TMC1: variants seen among roughly 807,000 people sequenced by gnomAD.
TMC1 encodes transmembrane channel-like protein 1.
TMC1 carries 84 observed loss-of-function variants against 105.8 expected under a neutral mutation model. The observed-to-expected ratio is 0.79, with a 90% confidence interval of 0.67 to 0.95. TMC1 has a LOEUF of 0.95. Ranked by LOEUF, TMC1 falls within the 40% of genes least tolerant of loss-of-function variation. TMC1 has a pLI of 0.00. For synonymous variants in TMC1, 315 were observed against 311.5 expected (o/e 1.01, Z -0.12); for missense variants, 817 against 914.1 (o/e 0.89, Z 1.37).
intron 8 of TMC1, among the ~76,000 whole-genome samples, chr9:72,731,160 G>A (rs1404324146): frequency 6.6e-6 from 1 of 152,134 alleles, no homozygotes. Flanking sequence ...TCTCACTGAT[G>A]TCCATTCATT....
chr9:72,596,089 C>T (rs1173426862), intron 2 of TMC1, among the ~76,000 whole-genome samples: 2 of 151,996 alleles, frequency 1.3e-5, no homozygotes, highest in African/African-American at 4.8e-5. Flanking sequence ...ATTGACCAGG[C>T]TGGTCTTGAA....
rs772644384 is a variant in TMC1 at position 72,820,942 on chromosome 9, C to G, written c.1864C>G (p.Pro622Ala). 1 of 1,614,176 alleles carries G rather than the reference C, an allele frequency of 6.2e-7. No individual in the cohort carries two copies. Among genetic ancestry groups the G allele is most frequent in the Non-Finnish European group, 8.5e-7 (1 of 1,180,042 alleles). ...QCWAVMCCNV[P>A]EARVFKASRS... ...CTGGGCCGTTATGTGCTGCAATGTT[C>G]CTGAGGCCAGGGTCTTCAAAGCTTC... The change falls in exon 20 of 24, where the codon CCT (proline) becomes GCT (alanine). Residue 622 changes from proline to alanine, a missense_variant. Transcript: ENST00000297784.
chr9:72,734,115 C>T (rs1827259378), intron 8 of TMC1, among the ~76,000 whole-genome samples: 1 of 152,140 alleles, frequency 6.6e-6, no homozygotes. Context: ...GGCTGGACAG[C>T]ACAGGATGGC....
At chr9:72,574,795 A>G (rs1824347336) in intron 1 of TMC1, among the ~76,000 whole-genome samples, 1 of 152,206 alleles carries the variant, frequency 6.6e-6, no homozygotes, top group African/African-American at 2.4e-5. Context: ...CTCTGACCAT[A>G]CATTCCTACT....
At chr9:72,522,259 G>A (rs1202641378) in intron 1 of TMC1, among the ~76,000 whole-genome samples, 1 of 150,888 alleles carries the variant, frequency 6.6e-6, no homozygotes, top group African/African-American at 2.5e-5. Context: ...CCGCCATCAC[G>A]CCCGGCTAAT....
At chr9:72,570,479 C>G (rs928249019) in intron 1 of TMC1, among the ~76,000 whole-genome samples, 16 of 151,838 alleles carry the variant, frequency 1.1e-4, no homozygotes, top group African/African-American at 3.4e-4. Context: ...AATTACAAAT[C>G]TTTTGAAGTA....
At chr9:72,609,597 G>A (rs1265334613) in intron 2 of TMC1, among the ~76,000 whole-genome samples, 1 of 152,054 alleles carries the variant, frequency 6.6e-6, no homozygotes, top group Non-Finnish European at 1.5e-5. Context: ...TTGAAAGACA[G>A]AGGAAAGGAA....
rs544358446 is a variant in TMC1, at chr9:72,753,079, C to G, written c.642+1123C>G. Among the ~76,000 whole-genome samples the G allele has an allele frequency of 1.1e-4, 17 of 152,072 alleles. No individual in the cohort carries two copies. The South Asian group carries it at 3.5e-3, about 32-fold the overall frequency. On this transcript the variant is annotated intron_variant, in intron 11 of 23. Coordinates refer to ENST00000297784, the MANE Select transcript of TMC1 (RefSeq NM_138691.3). ...TATTAAGCTGATCTAGGACTAGAACCCATGATTCAATCCCTTTCTCTAAGA... is the reference window on the plus strand; with the variant it reads ...TATTAAGCTGATCTAGGACTAGAACGCATGATTCAATCCCTTTCTCTAAGA...
intron 5 of TMC1, among the ~76,000 whole-genome samples, chr9:72,649,346 G>A (rs1825764557): frequency 6.6e-6 from 1 of 152,104 alleles, no homozygotes; most frequent in South Asian, 2.1e-4. Flanking sequence ...AGACAAACTG[G>A]CAGAATTTTC....
rs1335969568 is a variant in TMC1, at chr9:72,728,852, AG to A, written c.363-11265del. ...AGAGTTAGGAAAAGTTTTAATCAGC[AG>A]GTAGAAAAAGGATCTAGTGTGCTTT... On this transcript the variant is annotated intron_variant, in intron 8 of 23. Coordinates refer to ENST00000297784, the MANE Select transcript of TMC1 (RefSeq NM_138691.3). Among the ~76,000 whole-genome samples the A allele has an allele frequency of 3.3e-5, 5 of 152,178 alleles. No individual in the cohort carries two copies. The East Asian group carries it at 9.6e-4, about 29-fold the overall frequency.
chr9:72,566,091 A>G lies in TMC1; in HGVS notation c.-427-11811A>G, dbSNP rs572751061. Among the ~76,000 whole-genome samples the G allele has an allele frequency of 5.9e-5, 9 of 152,338 alleles. No homozygotes were observed. The East Asian group carries it at 1.5e-3, about 26-fold the overall frequency. On this transcript the variant is annotated intron_variant, in intron 1 of 23. Transcript: ENST00000297784. ...GCCTCCTAGGCTGGAATACAATGGC[A>G]TGACCATAGCTCATTGCAGCCTCTA... is the stretch of plus-strand genomic sequence containing the variant.
chr9:72,624,746 T>G (rs761687817), intron 3 of TMC1, among the ~76,000 whole-genome samples: 8 of 152,182 alleles, frequency 5.3e-5, no homozygotes, highest in Non-Finnish European at 1.0e-4. Flanking sequence ...GTGGAACAGA[T>G]TCAGGTGGTA....
chr9:72,792,316 A>G lies in TMC1; in HGVS notation c.1530A>G (p.Val510=). 1 of 1,614,086 alleles carries G rather than the reference A, an allele frequency of 6.2e-7. No homozygotes were observed. The highest frequency in any genetic ancestry group is 8.5e-7 in the Non-Finnish European group (1 of 1,179,962). ...GPPFFVHPAD[V]PRGPCWETMV... ...CCTTTTTTGTTCACCCTGCAGATGT[A>G]CCTCGAGGACCTTGCTGGGAAACAA... Residue 510 remains valine, a synonymous_variant, in exon 17 of 24, where the codon GTA becomes GTG. Coordinates refer to ENST00000297784, the MANE Select transcript of TMC1 (RefSeq NM_138691.3).
At chr9:72,806,366 C>A (rs1828586452) in intron 18 of TMC1, among the ~76,000 whole-genome samples, 2 of 141,578 alleles carry the variant, frequency 1.4e-5, no homozygotes, top group South Asian at 4.4e-4. Flanking sequence ...CCCCCACCTC[C>A]CTCCCGGACG....
At chr9:72,829,921 A>G (rs1381856701) in intron 21 of TMC1, among the ~76,000 whole-genome samples, 1 of 152,232 alleles carries the variant, frequency 6.6e-6, no homozygotes, top group African/African-American at 2.4e-5. Flanking sequence ...TTGAGGGAGA[A>G]AGAAATGCAA....
At chr9:72,569,169 C>A (rs1824223556) in intron 1 of TMC1, among the ~76,000 whole-genome samples, 1 of 152,050 alleles carries the variant, frequency 6.6e-6, no homozygotes, top group Admixed American at 6.6e-5. Flanking sequence ...CTACTGTATA[C>A]TTTAAATCAT....
chr9:72,789,373 G>A, intron 15 of TMC1, 56 bp downstream of exon 15: 2 of 1,567,046 alleles, frequency 1.3e-6, no homozygotes, highest in Non-Finnish European at 1.8e-6. Context: ...TTCTTTTGTG[G>A]GTTATGTTTC....
chr9:72,813,650 A>C (rs1384780821), intron 18 of TMC1, among the ~76,000 whole-genome samples: 2 of 152,226 alleles, frequency 1.3e-5, no homozygotes, highest in African/African-American at 4.8e-5. Context: ...AAATGAATGA[A>C]TATAGCTGTA....
rs76609751 is a variant in TMC1 at position 72,642,822 on chromosome 9, A to G, written c.-52-5775A>G. Among the ~76,000 whole-genome samples the G allele has an allele frequency of 8.2e-3, 1,249 of 152,336 alleles. 20 individuals are homozygous for G. The highest frequency in any genetic ancestry group is 0.028 in the African/African-American group (1,173 of 41,576). On this transcript the variant is annotated intron_variant, in intron 4 of 23. Coordinates refer to ENST00000297784, the MANE Select transcript of TMC1 (RefSeq NM_138691.3). ...ATGAGTTTTAACAAACACCTACATT[A>G]GTGTGACAATCACTGTAGACAAGAT...
Sources: allele counts gnomAD v4.1 joint callset (sites outside exome capture counted in the v4.1 genomes callset), GRCh38; gene constraint gnomAD v4.1.1; transcripts MANE v1.5; gene names NCBI Gene and HGNC (gene_info 2026-07-23, HGNC 2026-07-21).